The following CSMD1 variants were observed in gnomAD, a reference collection of about 807,000 sequenced individuals.
CSMD1 encodes the protein CUB and Sushi multiple domains 1.
In CSMD1, 213 loss-of-function variants were observed where a neutral mutation model predicts 417.5. That is an observed-to-expected ratio of 0.51 (90% CI 0.46 to 0.57). The LOEUF is 0.57. Among genes scored for constraint, CSMD1 ranks in the 20% least tolerant of loss-of-function variants. CSMD1 has a pLI of 0.00. For synonymous variants in CSMD1, 2,862 were observed against 1,736.8 expected, an observed-to-expected ratio of 1.65 and a Z score of -16.11; for missense variants, 6,923 against 4,529.7, an observed-to-expected ratio of 1.53 and a Z score of -15.17.
intron 7 of CSMD1, among the ~76,000 whole-genome samples, chr8:3,656,322 T>A (rs746998844): frequency 3.5e-4 from 53 of 152,310 alleles, no homozygotes; most frequent in Non-Finnish European, 7.2e-4. Context: ...GCGAAAGGTA[T>A]AGCACTACTT....
intron 1 of CSMD1, among the ~76,000 whole-genome samples, chr8:4,890,126 C>G (rs932593947): frequency 6.6e-6 from 1 of 152,094 alleles, no homozygotes; most frequent in Non-Finnish European, 1.5e-5. Flanking sequence ...ATGATGGCCT[C>G]TAGAAAAATC....
chr8:4,637,849 T>C (rs910725335), intron 1 of CSMD1, among the ~76,000 whole-genome samples: 57 of 150,530 alleles, frequency 3.8e-4, no homozygotes, highest in African/African-American at 1.4e-3. Flanking sequence ...TTTTTGTATT[T>C]TTAGTAGAGA....
chr8:3,534,588 A>G (rs927094085), intron 10 of CSMD1, among the ~76,000 whole-genome samples: 2 of 117,218 alleles, frequency 1.7e-5, no homozygotes, highest in African/African-American at 8.2e-5. Flanking sequence ...TGACTGATCT[A>G]AAAGTTGTGT....
chr8:4,666,899 G>A (rs757371165), intron 1 of CSMD1, among the ~76,000 whole-genome samples: 2 of 151,798 alleles, frequency 1.3e-5, no homozygotes, highest in Admixed American at 6.6e-5. Context: ...CCTGCTTTTT[G>A]TGTGTTACCT....
intron 33 of CSMD1, among the ~76,000 whole-genome samples, chr8:3,193,434 G>A (rs764820061): frequency 6.6e-6 from 1 of 152,156 alleles, no homozygotes; most frequent in African/African-American, 2.4e-5. Context: ...CTGTGGAATT[G>A]AGACATCACA....
rs377079854 is a variant in CSMD1 at position 3,451,534 on chromosome 8, A to C, written c.1561+17178T>G. 2.0e-5 allele frequency among the ~76,000 whole-genome samples: 3 copies of C among 152,110 alleles called. No homozygotes were observed. The South Asian group carries it at 6.2e-4, about 31-fold the overall frequency. On this transcript the variant is annotated intron_variant, in intron 12 of 69. Coordinates refer to ENST00000635120, the MANE Select transcript of CSMD1 (RefSeq NM_033225.6). ...GATTCAGTTTCGTCTTTCTACATATAGCTAGCCAGTTTTCCCAGCACCATT... is the reference window on the plus strand; with the variant it reads ...GATTCAGTTTCGTCTTTCTACATATCGCTAGCCAGTTTTCCCAGCACCATT...
At chr8:3,524,398 C>A (rs1394185383) in intron 10 of CSMD1, among the ~76,000 whole-genome samples, 1 of 151,772 alleles carries the variant, frequency 6.6e-6, no homozygotes, top group Non-Finnish European at 1.5e-5. Context: ...CACACATGCA[C>A]ACCCAGACAT....
At chr8:4,529,353 G>C (rs1256664699) in intron 2 of CSMD1, among the ~76,000 whole-genome samples, 1 of 152,120 alleles carries the variant, frequency 6.6e-6, no homozygotes, top group African/African-American at 2.4e-5. Context: ...TGTTAAAGCA[G>C]GCATTAATAT....
intron 26 of CSMD1, among the ~76,000 whole-genome samples, chr8:3,240,867 G>A (rs555154829): frequency 2.6e-5 from 4 of 152,106 alleles, no homozygotes; most frequent in African/African-American, 9.7e-5. Flanking sequence ...CGGGGGAATT[G>A]TAAGGAGAGT....
chr8:3,817,123 G>T (rs978157623), intron 5 of CSMD1, among the ~76,000 whole-genome samples: 4 of 151,912 alleles, frequency 2.6e-5, no homozygotes, highest in African/African-American at 9.7e-5. Flanking sequence ...TATAGAGAGA[G>T]CTCTTCATGA....
intron 5 of CSMD1, among the ~76,000 whole-genome samples, chr8:3,816,385 C>A (rs2929494): frequency 0.44 from 67,274 of 152,028 alleles, 15,347 homozygotes; most frequent in East Asian, 0.68. Context: ...ATTCTGAGAG[C>A]AAGATGGAGA....
chr8:3,838,967 T>TAA (rs530071111), intron 5 of CSMD1, among the ~76,000 whole-genome samples: 1 of 99,940 alleles, frequency 1.0e-5, no homozygotes, highest in East Asian at 2.6e-4. Flanking sequence ...TAAATTAATA[T>TAA]TATATATAAT....
At chr8:3,748,030 C>A (rs13255936) in intron 6 of CSMD1, among the ~76,000 whole-genome samples, 2 of 151,980 alleles carry the variant, frequency 1.3e-5, no homozygotes, top group African/African-American at 4.8e-5. Flanking sequence ...GGTAGCAAGA[C>A]ACACAGGTAG....
chr8:2,975,867 A>T (rs779816621), intron 55 of CSMD1, among the ~76,000 whole-genome samples: 2 of 152,150 alleles, frequency 1.3e-5, no homozygotes, highest in Non-Finnish European at 2.9e-5. Flanking sequence ...GGAAAAGGAG[A>T]GCCAGCTAAA....
chr8:4,053,540 T>C (rs1407149689), intron 3 of CSMD1, among the ~76,000 whole-genome samples: 2 of 152,118 alleles, frequency 1.3e-5, no homozygotes, highest in Non-Finnish European at 2.9e-5. Flanking sequence ...TTATCTCAAG[T>C]GGTTTTCTCT....
intron 1 of CSMD1, among the ~76,000 whole-genome samples, chr8:4,991,970 T>G (rs550272587): frequency 7.9e-5 from 12 of 152,206 alleles, no homozygotes; most frequent in African/African-American, 2.4e-4. Flanking sequence ...CGTCCGAGCG[T>G]CCTGGACCCC....
chr8:3,903,219 G>C (rs745793510), intron 5 of CSMD1, among the ~76,000 whole-genome samples: 1 of 151,972 alleles, frequency 6.6e-6, no homozygotes, highest in Admixed American at 6.6e-5. Context: ...TGCACCAGTG[G>C]CCTCTAAAAT....
At chr8:4,614,119 T>C (rs1338399219) in intron 2 of CSMD1, among the ~76,000 whole-genome samples, 4 of 152,056 alleles carry the variant, frequency 2.6e-5, no homozygotes, top group African/African-American at 9.7e-5. Context: ...AGAGATGCAA[T>C]AAAAACAATG....
Position 3,118,436 on chromosome 8 carries a change from G to A in CSMD1, c.6393C>T (p.Ile2131=). 2 of 1,613,640 alleles carry A rather than the reference G, an allele frequency of 1.2e-6. No homozygotes were observed. The highest frequency in any genetic ancestry group is 1.7e-6 in the Non-Finnish European group (2 of 1,179,768). Residue 2131 remains isoleucine (I), a synonymous_variant, in exon 42 of 70, where the codon ATC becomes ATT. Coordinates refer to ENST00000635120, the MANE Select transcript of CSMD1 (RefSeq NM_033225.6). ...GAAAAGGGTAGTTCCAGTTTCTGTT[G>A]ATCCCATGCTGACAAGTGAGGACAG... is the stretch of plus-strand genomic sequence containing the variant. ...GHPVLTCQHG[I]NRNWNYPFPR...
Sources: allele counts gnomAD v4.1 joint callset (sites outside exome capture counted in the v4.1 genomes callset), GRCh38; gene constraint gnomAD v4.1.1; transcripts MANE v1.5; gene names NCBI Gene and HGNC (gene_info 2026-07-23, HGNC 2026-07-21).